Variants in SETD3 observed in about 807,000 individuals in gnomAD.
SETD3 encodes the protein SET domain containing 3, actin N3(tau)-histidine methyltransferase.
A neutral mutation model predicts 63.0 loss-of-function variants in SETD3; 19 were observed. That is an observed-to-expected ratio of 0.30 (90% CI 0.21 to 0.44). The LOEUF (loss-of-function observed/expected upper bound fraction) is 0.44, where lower values mean the gene tolerates loss of function less well. Ranked by LOEUF, SETD3 falls within the 20% of genes least tolerant of loss-of-function variation. SETD3 has a pLI of 1.00. For synonymous variants in SETD3, 286 were observed against 264.1 expected, an observed-to-expected ratio of 1.08 and a Z score of -0.80; for missense variants, 587 against 728.5, an observed-to-expected ratio of 0.81 and a Z score of 2.24.
chr14:99,455,044 T>C (rs1159802920), intron 6 of SETD3, among the ~76,000 whole-genome samples: 1 of 152,252 alleles, frequency 6.6e-6, no homozygotes, highest in East Asian at 1.9e-4. Context: ...TAATTCCAAA[T>C]TATATTTAAT....
At chr14:99,411,976 C>T (rs1490199857) in intron 8 of SETD3, 4 of 152,152 alleles carry the variant, frequency 2.6e-5, no homozygotes, top group Non-Finnish European at 4.4e-5. Context: ...GCGCACACTA[C>T]GTGTGTTCTG....
At chr14:99,411,456 C>A in intron 8 of SETD3, 1 of 152,350 alleles carries the variant, frequency 6.6e-6, no homozygotes. Flanking sequence ...TGGTGGCGGC[C>A]TCAACACCAT....
At chr14:99,413,369 G>A (rs918646191) in intron 7 of SETD3, 6 of 308,080 alleles carry the variant, frequency 1.9e-5, no homozygotes, top group Middle Eastern at 9.2e-4. Context: ...TCCACTCCCC[G>A]ACACCCCCCA....
intron 11 of SETD3, among the ~76,000 whole-genome samples, chr14:99,403,866 T>A (rs1308089013): frequency 6.6e-6 from 1 of 152,240 alleles, no homozygotes; most frequent in Non-Finnish European, 1.5e-5. Context: ...CAACTGATCC[T>A]GAACTGCTCT....
intron 6 of SETD3, among the ~76,000 whole-genome samples, chr14:99,450,710 T>A (rs1177801559): frequency 6.6e-6 from 1 of 152,226 alleles, no homozygotes; most frequent in Non-Finnish European, 1.5e-5. Flanking sequence ...TCTCCATACC[T>A]TCCCCTGCAC....
intron 2 of SETD3, among the ~76,000 whole-genome samples, 170 bp from the exon 3 acceptor site, chr14:99,463,748 T>A (rs1018071006): frequency 6.6e-6 from 1 of 152,126 alleles, no homozygotes; most frequent in African/African-American, 2.4e-5. Flanking sequence ...ACAAGGCAGG[T>A]ACACTTCTCA....
At chr14:99,472,513 A>T (rs1478654841) in intron 1 of SETD3, among the ~76,000 whole-genome samples, 1 of 152,234 alleles carries the variant, frequency 6.6e-6, no homozygotes, top group Non-Finnish European at 1.5e-5. Context: ...ACAAGTTTAA[A>T]CAAATGAGAC....
In SETD3 at chr14:99,467,793, C is replaced by T. The variant is rs149410842; in HGVS notation, c.-8-1980G>A. On this transcript the variant is annotated intron_variant, in intron 1 of 12. Coordinates refer to ENST00000331768, the MANE Select transcript of SETD3 (RefSeq NM_032233.3). ...GTGAGCCTGGGACAGGGCTGTTCTGCACCGGCCCTCACAGGGTGCCCACCA... is the reference window on the plus strand; with the variant it reads ...GTGAGCCTGGGACAGGGCTGTTCTGTACCGGCCCTCACAGGGTGCCCACCA... 2.0e-4 allele frequency among the ~76,000 whole-genome samples: 31 copies of T among 152,308 alleles called. No homozygotes were observed. In the East Asian group the frequency reaches 5.0e-3, roughly 25 times the overall value.
intron 6 of SETD3, among the ~76,000 whole-genome samples, chr14:99,456,487 C>T (rs905738496): frequency 6.6e-6 from 1 of 152,134 alleles, no homozygotes; most frequent in Admixed American, 6.5e-5. Context: ...ATAAATTATA[C>T]AAATTGTTCT....
chr14:99,442,938 G>GA (rs886930540), intron 6 of SETD3, among the ~76,000 whole-genome samples: 36 of 152,152 alleles, frequency 2.4e-4, no homozygotes, highest in Admixed American at 1.1e-3. Context: ...GTGGCCCAAA[G>GA]AACGACCACC....
chr14:99,478,424 C>T (rs1224545354), intron 1 of SETD3, among the ~76,000 whole-genome samples: 1 of 151,984 alleles, frequency 6.6e-6, no homozygotes, highest in Non-Finnish European at 1.5e-5. Flanking sequence ...AATAACCTCT[C>T]AGAGAAGGAT....
At chr14:99,474,054 C>T (rs1447037097) in intron 1 of SETD3, among the ~76,000 whole-genome samples, 1 of 152,210 alleles carries the variant, frequency 6.6e-6, no homozygotes, top group African/African-American at 2.4e-5. Context: ...GGGGCAGTGG[C>T]TCACACCTGC....
intron 11 of SETD3, among the ~76,000 whole-genome samples, chr14:99,402,125 G>A (rs1348719106): frequency 6.6e-6 from 1 of 152,156 alleles, no homozygotes; most frequent in East Asian, 1.9e-4. Flanking sequence ...CCTAGCTCCT[G>A]CTCAAGCTCC....
chr14:99,423,099 G>C (rs1394925899), intron 6 of SETD3, among the ~76,000 whole-genome samples: 1 of 152,150 alleles, frequency 6.6e-6, no homozygotes, highest in Non-Finnish European at 1.5e-5. Context: ...ACTGTCCCTG[G>C]GTTGTTCTAG....
chr14:99,458,562 T>G, intron 5 of SETD3, 27 bp from the exon 6 acceptor site: 1 of 1,590,602 alleles, frequency 6.3e-7, no homozygotes, highest in Non-Finnish European at 8.5e-7. Context: ...GTTAACAGCG[T>G]AAGTTCCACA....
chr14:99,462,234 G>A (rs1242978663), intron 3 of SETD3, among the ~76,000 whole-genome samples: 1 of 152,156 alleles, frequency 6.6e-6, no homozygotes, highest in Non-Finnish European at 1.5e-5. Flanking sequence ...CAGATTCTTG[G>A]ACATCTGTTA....
At chr14:99,449,170 T>C (rs1398881094) in intron 6 of SETD3, among the ~76,000 whole-genome samples, 1 of 152,176 alleles carries the variant, frequency 6.6e-6, no homozygotes, top group South Asian at 2.1e-4. Flanking sequence ...AATGAATGCA[T>C]GTAGAAGAAA....
chr14:99,436,428 C>G (rs899892342), intron 6 of SETD3, among the ~76,000 whole-genome samples: 1 of 152,170 alleles, frequency 6.6e-6, no homozygotes, highest in Non-Finnish European at 1.5e-5. Flanking sequence ...AAGACAGGGT[C>G]AGGCACAGAG....
At chr14:99,480,040 A>T (rs1365235529) in intron 1 of SETD3, among the ~76,000 whole-genome samples, 1 of 151,552 alleles carries the variant, frequency 6.6e-6, no homozygotes, top group Non-Finnish European at 1.5e-5. Flanking sequence ...TAAAGCACCG[A>T]ATTGCCTCTC....
Sources: allele counts gnomAD v4.1 joint callset (sites outside exome capture counted in the v4.1 genomes callset), GRCh38; gene constraint gnomAD v4.1.1; transcripts MANE v1.5; gene names NCBI Gene and HGNC (gene_info 2026-07-23, HGNC 2026-07-21).